The following BRWD1 variants were observed in gnomAD, a reference collection of about 807,000 sequenced individuals.
The protein encoded by BRWD1 is bromodomain and WD repeat domain containing 1.
A neutral mutation model predicts 251.2 loss-of-function variants in BRWD1; 82 were observed. That is an observed-to-expected ratio of 0.33 (90% CI 0.27 to 0.39). BRWD1 has a LOEUF of 0.39. BRWD1 is among the 10% of genes least tolerant of loss of function. The probability of loss-of-function intolerance (pLI) is 1.00; values close to 1 mark genes in which losing one functional copy is unlikely to be tolerated. For missense variants in BRWD1, 2,233 were observed against 2,711.6 expected (o/e 0.82, Z 3.92); for synonymous variants, 918 against 902.8 (o/e 1.02, Z -0.30).
rs1337889192 is a variant in BRWD1, at chr21:39,313,069, G to A, written c.138+3C>T. 3.4e-6 allele frequency: 5 copies of A among 1,476,960 alleles called. No individual in the cohort carries two copies. The highest frequency in any genetic ancestry group is 2.9e-5 in the East Asian group (1 of 34,356). The allele number at this position is 1,476,960 out of a possible 1,614,324, so 91.5% of individuals were successfully genotyped here. On this transcript the variant is annotated splice_donor_region_variant and intron_variant, in intron 3 of 40. Coordinates refer to ENST00000342449, the MANE Select transcript of BRWD1 (RefSeq NM_033656.4). ...GGGAGCGCGGGGACGGGCGCGCACA[G>A]ACCTGGTACTGCTCCAGCTCCTGCA...
Position 39,312,974 on chromosome 21 carries a change from CGGG to C in BRWD1, c.139-77_139-75del, listed in dbSNP as rs2036555265. 16 of 409,926 alleles carry C rather than the reference CGGG, an allele frequency of 3.9e-5. 5 individuals are homozygous for C. Among genetic ancestry groups the C allele is most frequent in the Admixed American group, 3.3e-4 (4 of 11,970 alleles). 25.4% of individuals were successfully genotyped at this position (409,926 alleles called of 1,614,324 possible). A position where few individuals can be genotyped will look rare whatever the true frequency, so the allele number is the denominator to read the frequency against. ...GGGGCGGGGGGCGGGGGGCCGGGGG[CGGG>C]CGGCGGGCGGCGGGCGGGGGGCGCG... On this transcript the variant is annotated intron_variant, in intron 3 of 40. Transcript: ENST00000342449.
chr21:39,212,810 T>C, intron 33 of BRWD1, 103 bp from the exon 34 acceptor site: 1 of 744,170 alleles, frequency 1.3e-6, no homozygotes, highest in South Asian at 2.2e-5. Flanking sequence ...ATTACCAGAG[T>C]TATAACATGT....
intron 29 of BRWD1, among the ~76,000 whole-genome samples, chr21:39,223,622 A>C (rs1460635227): frequency 6.6e-6 from 1 of 152,210 alleles, no homozygotes; most frequent in Non-Finnish European, 1.5e-5. Flanking sequence ...GGATGAGCTA[A>C]GTGTAGGTAC....
At chr21:39,320,568 C>T (rs2036737067) in intron 1 of BRWD1, among the ~76,000 whole-genome samples, 1 of 151,874 alleles carries the variant, frequency 6.6e-6, no homozygotes, top group Non-Finnish European at 1.5e-5. Context: ...CTCCTGGGCT[C>T]AAGCAATCCT....
intron 11 of BRWD1, among the ~76,000 whole-genome samples, chr21:39,276,505 T>C (rs1327205333): frequency 6.6e-6 from 1 of 152,234 alleles, no homozygotes; most frequent in Non-Finnish European, 1.5e-5. Context: ...AGATGACTTA[T>C]ATGGAAGTGA....
At position 39,307,784 on chromosome 21, in the gene BRWD1, T is replaced by C. The variant is rs1601509931; in HGVS notation, c.198+5057A>G. Among the ~76,000 whole-genome samples, 10 of 152,336 alleles carry C rather than the reference T, an allele frequency of 6.6e-5. No individual in the cohort carries two copies. The South Asian group carries it at 2.1e-3, about 32-fold the overall frequency. On this transcript the variant is annotated intron_variant, in intron 4 of 40. Coordinates refer to ENST00000342449, the MANE Select transcript of BRWD1 (RefSeq NM_033656.4). Reference sequence around the variant, plus strand: ...TATTTCCCACAAGTCTTGAAACTAATCCCATTATCATTTAATTTTCACAGT... The same window carrying C: ...TATTTCCCACAAGTCTTGAAACTAACCCCATTATCATTTAATTTTCACAGT...
In BRWD1 at chr21:39,233,341, T is replaced by G. The variant is rs148305777; in HGVS notation, c.2767-843A>C. On this transcript the variant is annotated intron_variant, in intron 23 of 40. Coordinates refer to ENST00000342449, the MANE Select transcript of BRWD1 (RefSeq NM_033656.4). ...AACCAATACATGAAATATGCAACGT[T>G]TGCCATGTAAACACCTAAATTTTAG... Among the ~76,000 whole-genome samples, 247 of 152,294 alleles carry G rather than the reference T, an allele frequency of 1.6e-3. 1 individual carries two copies. Among genetic ancestry groups the G allele is most frequent in the Non-Finnish European group, 1.1e-3 (74 of 68,016 alleles).
At chr21:39,275,879 A>G (rs1382650410) in intron 12 of BRWD1, among the ~76,000 whole-genome samples, 2 of 152,092 alleles carry the variant, frequency 1.3e-5, no homozygotes, top group Non-Finnish European at 2.9e-5. Flanking sequence ...CTAAAAATAC[A>G]AAGTTAGCCG....
chr21:39,294,521 G>A (rs1008475739), intron 7 of BRWD1, among the ~76,000 whole-genome samples: 1 of 152,150 alleles, frequency 6.6e-6, no homozygotes, highest in East Asian at 1.9e-4. Context: ...CGGGCGTGGT[G>A]GCTGGCACCT....
intron 1 of BRWD1, among the ~76,000 whole-genome samples, chr21:39,320,596 A>G (rs1288356355): frequency 6.6e-6 from 1 of 151,796 alleles, no homozygotes; most frequent in Non-Finnish European, 1.5e-5. Context: ...AGCTTCCCAA[A>G]GTGCTAGGAT....
rs566783022 is a variant in BRWD1, at chr21:39,311,149, G to A, written c.198+1692C>T. ...GTTTTAAGCAATTCTACCAACAAAA[G>A]CCAAAAAATTTATATAAATTTTTTT... On this transcript the variant is annotated intron_variant, in intron 4 of 40. Transcript: ENST00000342449. Among the ~76,000 whole-genome samples, 260 of 151,810 alleles carry A rather than the reference G, an allele frequency of 1.7e-3. 1 individual carries two copies. Among genetic ancestry groups the A allele is most frequent in the African/African-American group, 6.1e-3 (253 of 41,370 alleles).
chr21:39,238,806 T>C lies in BRWD1; in HGVS notation c.2482-233A>G, dbSNP rs150749374. Among the ~76,000 whole-genome samples, 1,032 of 152,306 alleles carry C rather than the reference T, an allele frequency of 6.8e-3. 9 individuals are homozygous for C. The highest frequency in any genetic ancestry group is 0.021 in the Admixed American group (322 of 15,308). Reference sequence around the variant, plus strand: ...TCCGTAAGATTTAACACTACCACCATTAGCAAAGAAAGTGATACAACAGGC... The same window carrying C: ...TCCGTAAGATTTAACACTACCACCACTAGCAAAGAAAGTGATACAACAGGC... On this transcript the variant is annotated intron_variant, in intron 21 of 40. Transcript: ENST00000342449.
Position 39,188,119 on chromosome 21 carries a change from T to C in BRWD1, c.*8140A>G. 1.0e-6 allele frequency: 1 copy of C among 985,404 alleles called. No homozygotes were observed. Among genetic ancestry groups the C allele is most frequent in the Non-Finnish European group, 1.2e-6 (1 of 829,918 alleles). The allele number at this position is 985,404 out of a possible 1,614,324, so 61.0% of individuals were successfully genotyped here. A position where few individuals can be genotyped will look rare whatever the true frequency, so the allele number is the denominator to read the frequency against. On this transcript the variant is annotated 3_prime_UTR_variant, in exon 41 of 41. Coordinates refer to ENST00000342449, the MANE Select transcript of BRWD1 (RefSeq NM_033656.4). ...GGCTCAGATATGTTTGTTACCAGTG[T>C]CTCAAAGCCAAATTTTCAAATTTCA...
At position 39,187,986 on chromosome 21, in the gene BRWD1, A is replaced by C. The variant is rs11909837; in HGVS notation, c.*8273T>G. 3.5e-3 allele frequency: 3,400 copies of C among 985,278 alleles called. 84 individuals carry two copies. In the African/African-American group the frequency reaches 0.053, roughly 15 times the overall value. The allele number at this position is 985,278 out of a possible 1,614,324, so 61.0% of individuals were successfully genotyped here. A position where few individuals can be genotyped will look rare whatever the true frequency, so the allele number is the denominator to read the frequency against. On this transcript the variant is annotated 3_prime_UTR_variant, in exon 41 of 41. Transcript: ENST00000342449. The stretch of plus-strand genomic sequence containing the variant: ...CAAAAAGCACTTTGGAGAGTTAACT[A>C]CTTCATGCAGACTAAGGCAGTTTTT...
chr21:39,221,153 T>TC (rs2033159754), intron 29 of BRWD1, among the ~76,000 whole-genome samples: 1 of 128,496 alleles, frequency 7.8e-6, no homozygotes, highest in African/African-American at 3.0e-5. Flanking sequence ...AAACTACATC[T>TC]TAAAAAAAAA....
At chr21:39,289,091 G>C (rs969181263) in intron 8 of BRWD1, among the ~76,000 whole-genome samples, 5 of 152,146 alleles carry the variant, frequency 3.3e-5, no homozygotes, top group African/African-American at 4.8e-5. Flanking sequence ...TAATGTACTT[G>C]CAAGTAATAT....
chr21:39,197,141 C>A lies in BRWD1; in HGVS notation c.5928G>T (p.Leu1976Phe). Residue 1976 changes from leucine to phenylalanine, a missense_variant, in exon 41 of 41, where the codon TTG becomes TTT. Physicochemically the swap from Leu to Phe is conservative, Grantham distance 22. Coordinates refer to ENST00000342449, the MANE Select transcript of BRWD1 (RefSeq NM_033656.4). ...AATGTACACTTCCTTCACAATCACTCAATTTCTTCTTAGCTGTAGTACAAG... is the reference window on the plus strand; with the variant it reads ...AATGTACACTTCCTTCACAATCACTAAATTTCTTCTTAGCTGTAGTACAAG... ...HLACTTAKKK[L>F]SDCEGSVHCE... The A allele has an allele frequency of 6.2e-7, 1 of 1,614,120 alleles. No individual in the cohort carries two copies. Among genetic ancestry groups the A allele is most frequent in the South Asian group, 1.1e-5 (1 of 91,076 alleles).
At position 39,264,008 on chromosome 21, in the gene BRWD1, C is replaced by T. The variant is rs533328001; in HGVS notation, c.1885+452G>A. On this transcript the variant is annotated intron_variant, in intron 17 of 40. Transcript: ENST00000342449. The stretch of plus-strand genomic sequence containing the variant: ...TACAAAATTCCTGACCTGTAATCTT[C>T]AAATACATCAACATCATGAAAGTCA... Among the ~76,000 whole-genome samples the T allele has an allele frequency of 1.1e-4, 16 of 152,274 alleles. No individual in the cohort carries two copies. The South Asian group carries it at 2.9e-3, about 28-fold the overall frequency.
At chr21:39,238,388 A>C in intron 22 of BRWD1, 91 bp downstream of exon 22, 1 of 1,053,164 alleles carries the variant, frequency 9.5e-7, no homozygotes, top group Non-Finnish European at 1.4e-6. Flanking sequence ...CCACAGTTGC[A>C]AATTCTTGCC....
Sources: gnomAD v4.1 joint callset for allele counts (sites outside exome capture counted in the v4.1 genomes callset) on GRCh38, gnomAD v4.1.1 for gene constraint, MANE v1.5 for transcripts, NCBI Gene and HGNC (gene_info 2026-07-23, HGNC 2026-07-21) for gene names.